The following IQGAP3 variants were observed in gnomAD, a reference collection of about 807,000 sequenced individuals.
The protein encoded by IQGAP3 is ras GTPase-activating-like protein IQGAP3.
Under a neutral mutation model 208.2 loss-of-function variants are expected in IQGAP3, and 165 were observed. The observed-to-expected ratio is 0.79, with a 90% CI of 0.70 to 0.90. The LOEUF is 0.90. Among genes scored for constraint, IQGAP3 ranks in the 40% least tolerant of loss-of-function variants. The pLI is 0.00. For missense variants in IQGAP3, 1,811 were observed against 2,043.1 expected (o/e 0.89, Z 2.19); for synonymous variants, 703 against 803.6 (o/e 0.87, Z 2.12).
intron 27 of IQGAP3, 59 bp downstream of exon 27, chr1:156,537,122 T>C (rs1484587499): frequency 2.6e-6 from 4 of 1,563,478 alleles, no homozygotes; most frequent in Non-Finnish European, 3.5e-6. Context: ...CTGCTCCCCA[T>C]GGTGGCCTGG....
At chr1:156,529,928 A>AAAAAAAAAAAAAG (rs1553221888) in intron 34 of IQGAP3, among the ~76,000 whole-genome samples, 177 bp downstream of exon 34, 5 of 150,142 alleles carry the variant, frequency 3.3e-5, no homozygotes, top group African/African-American at 1.3e-4. Flanking sequence ...AAAAAAAAAA[A>AAAAAAAAAAAAAG]AAAAAAGAAA....
Position 156,538,870 on chromosome 1 carries a change from CTG to C in IQGAP3, c.3218_3219del (p.Thr1073ArgfsTer7), listed in dbSNP as rs1674836828. 4.3e-6 allele frequency: 7 copies of C among 1,614,174 alleles called. No homozygotes were observed. Among genetic ancestry groups the C allele is most frequent in the Non-Finnish European group, 5.9e-6 (7 of 1,180,032 alleles). ...VLEDKVLSVH[T>X]DPVHLYKNWI... ...CAGTTCTTATAGAGGTGGACAGGGT[CTG>C]TGTGGACGCTGAGCACTTTGTCTTC... is the stretch of plus-strand genomic sequence containing the variant. On this transcript the variant is annotated frameshift_variant, in exon 26 of 38. Transcript: ENST00000361170. LOFTEE classifies it high-confidence loss of function.
chr1:156,554,352 A>G lies in IQGAP3; in HGVS notation c.1331T>C (p.Leu444Pro), dbSNP rs747111927. ...CCGGTTAATCAGGACCACAGCTGAG[A>G]GCATCTCCACAGCCACGAAGAGCTC... ...QEELFVAVEMLSAVVLINRAL... is the reference protein window; with the variant it reads ...QEELFVAVEMPSAVVLINRAL... The change falls in exon 13 of 38, where the codon CTC becomes CCC. Residue 444 changes from leucine to proline, a missense_variant. Leu to Pro is a moderately conservative substitution (Grantham distance 98). Coordinates refer to ENST00000361170, the MANE Select transcript of IQGAP3 (RefSeq NM_178229.5). The G allele has an allele frequency of 8.1e-6, 13 of 1,613,040 alleles. No homozygotes were observed. In the African/African-American group the frequency reaches 1.5e-4, roughly 18 times the overall value.
chr1:156,539,242 G>A (rs929488179), intron 25 of IQGAP3, 132 bp downstream of exon 25: 42 of 923,542 alleles, frequency 4.5e-5, no homozygotes, highest in Non-Finnish European at 6.3e-5. Context: ...TTCTCCACAG[G>A]AGGTAGAGAA....
Position 156,566,560 on chromosome 1 carries a change from A to G in IQGAP3, c.126-14T>C, listed in dbSNP as rs1444089809. On this transcript the variant is annotated splice_polypyrimidine_tract_variant and intron_variant, in intron 2 of 37. Coordinates refer to ENST00000361170, the MANE Select transcript of IQGAP3 (RefSeq NM_178229.5). ...GCCTCCATCCAGCTATGAACATGAGAACACCTTCTCACGCACTCTGGCAGA... is the reference window on the plus strand; with the variant it reads ...GCCTCCATCCAGCTATGAACATGAGGACACCTTCTCACGCACTCTGGCAGA... 1 of 1,613,182 alleles carries G rather than the reference A, an allele frequency of 6.2e-7. No homozygotes were observed. Among genetic ancestry groups the G allele is most frequent in the South Asian group, 1.1e-5 (1 of 90,986 alleles).
intron 22 of IQGAP3, among the ~76,000 whole-genome samples, chr1:156,543,156 G>A (rs147426221): frequency 1.6e-3 from 238 of 152,250 alleles, no homozygotes; most frequent in African/African-American, 5.3e-3. Context: ...TGGTGTTAGT[G>A]TAACCACAGA....
intron 10 of IQGAP3, 60 bp downstream of exon 10, chr1:156,561,778 A>G: frequency 1.3e-6 from 2 of 1,520,934 alleles, no homozygotes; most frequent in Admixed American, 3.5e-5. Context: ...TTTGAGTAAG[A>G]GGCCCTCTCC....
intron 12 of IQGAP3, among the ~76,000 whole-genome samples, chr1:156,554,798 C>T (rs1675744543): frequency 6.6e-6 from 1 of 152,166 alleles, no homozygotes; most frequent in Non-Finnish European, 1.5e-5. Context: ...TGGCTCACAC[C>T]TGTAATCCTA....
In IQGAP3 at chr1:156,525,441, C is replaced by T. The variant is rs114780347; in HGVS notation, c.*1045G>A. ...GCTGCTTTTATTAACATCAGAAGGG[C>T]AACAGTACAGGAAGTTGGGTAGATG... On this transcript the variant is annotated 3_prime_UTR_variant, in exon 38 of 38. Coordinates refer to ENST00000361170, the MANE Select transcript of IQGAP3 (RefSeq NM_178229.5). The T allele has an allele frequency of 0.021, 3,271 of 152,524 alleles. 97 individuals are homozygous for T. Among genetic ancestry groups the T allele is most frequent in the African/African-American group, 0.076 (3,134 of 41,444 alleles). 9.4% of individuals were successfully genotyped at this position (152,524 alleles called of 1,614,324 possible).
In IQGAP3 at chr1:156,527,949, C is replaced by T; in HGVS notation, c.4782+3G>A. On this transcript the variant is annotated splice_donor_region_variant and intron_variant, in intron 37 of 37. Coordinates refer to ENST00000361170, the MANE Select transcript of IQGAP3 (RefSeq NM_178229.5). ...CTGCAGGCTCATGGGACTGTCCCCT[C>T]ACCTGATAGTGAAGCTGAAATCGCT... 6.2e-7 allele frequency: 1 copy of T among 1,604,208 alleles called. No individual in the cohort carries two copies. Among genetic ancestry groups the T allele is most frequent in the Non-Finnish European group, 8.5e-7 (1 of 1,170,964 alleles).
At chr1:156,571,189 T>A (rs114225546) in intron 1 of IQGAP3, among the ~76,000 whole-genome samples, 13 of 152,296 alleles carry the variant, frequency 8.5e-5, no homozygotes, top group African/African-American at 3.1e-4. Context: ...AGTTACAGTC[T>A]CCCTTAATCC....
In IQGAP3 at chr1:156,544,380, C is replaced by T. The variant is rs905848110; in HGVS notation, c.2388+9G>A. On this transcript the variant is annotated intron_variant, in intron 20 of 37. Transcript: ENST00000361170. ...AGAGAAAGGAGCCTGCCAAAACCACCGTAGCTACCTTGATTATGGCATCCA... is the reference window on the plus strand; with the variant it reads ...AGAGAAAGGAGCCTGCCAAAACCACTGTAGCTACCTTGATTATGGCATCCA... 46 of 1,609,826 alleles carry T rather than the reference C, an allele frequency of 2.9e-5. No individual in the cohort carries two copies. The East Asian group carries it at 4.9e-4, about 17-fold the overall frequency.
chr1:156,546,596 C>G (rs1412770268), intron 19 of IQGAP3, among the ~76,000 whole-genome samples: 1 of 152,196 alleles, frequency 6.6e-6, no homozygotes, highest in Admixed American at 6.5e-5. Flanking sequence ...CAACGGAGCA[C>G]TTACCATGCT....
chr1:156,563,075 A>C (rs549374479), intron 8 of IQGAP3, 59 bp downstream of exon 8: 145 of 1,441,248 alleles, frequency 1.0e-4, no homozygotes, highest in Admixed American at 4.4e-4. Context: ...TCCCGGTTTC[A>C]CTTGAGACTT....
chr1:156,552,231 G>A, intron 13 of IQGAP3, 136 bp from the exon 14 acceptor site: 1 of 1,111,678 alleles, frequency 9.0e-7, no homozygotes, highest in South Asian at 1.6e-5. Flanking sequence ...TGCCTCACAG[G>A]CTATTCTTTC....
At chr1:156,527,645 T>A (rs1674165043) in intron 37 of IQGAP3, among the ~76,000 whole-genome samples, 1 of 152,038 alleles carries the variant, frequency 6.6e-6, no homozygotes, top group African/African-American at 2.4e-5. Flanking sequence ...GTGGAGAGGA[T>A]TAAAGGAGGT....
At chr1:156,538,194 A>G (rs974639231) in intron 26 of IQGAP3, among the ~76,000 whole-genome samples, 24 of 152,092 alleles carry the variant, frequency 1.6e-4, no homozygotes, top group African/African-American at 3.6e-4. Context: ...CCGAGTAGCT[A>G]GGACTACAGG....
At chr1:156,528,643 A>G in intron 35 of IQGAP3, 33 bp from the exon 36 acceptor site, 1 of 1,531,388 alleles carries the variant, frequency 6.5e-7, no homozygotes, top group East Asian at 2.2e-5. Context: ...GAATTCATCC[A>G]ATAAACACTT....
At chr1:156,528,187 C>T in intron 36 of IQGAP3, 127 bp from the exon 37 acceptor site, 1 of 693,350 alleles carries the variant, frequency 1.4e-6, no homozygotes, top group South Asian at 1.7e-5. Context: ...CTCTGTCACT[C>T]CCAGAGGGCC....
Sources: allele counts gnomAD v4.1 joint callset (sites outside exome capture counted in the v4.1 genomes callset), GRCh38; gene constraint gnomAD v4.1.1; transcripts MANE v1.5; gene names NCBI Gene and HGNC (gene_info 2026-07-23, HGNC 2026-07-21).